The following SH3RF3 variants were observed in gnomAD, a reference collection of about 807,000 sequenced individuals.
SH3RF3 encodes the protein E3 ubiquitin-protein ligase SH3RF3.
In SH3RF3, 29 loss-of-function variants were observed where a neutral mutation model predicts 66.3. The observed-to-expected ratio is 0.44, with a 90% CI of 0.33 to 0.60. The LOEUF is 0.60. Among genes scored for constraint, SH3RF3 ranks in the 20% least tolerant of loss-of-function variants. SH3RF3 has a pLI of 0.04. For synonymous variants in SH3RF3, 583 were observed against 532.0 expected (o/e 1.10, Z -1.32); for missense variants, 1,194 against 1,190.9 (o/e 1.00, Z -0.04).
intron 8 of SH3RF3, among the ~76,000 whole-genome samples, chr2:109,476,989 T>C (rs1428309593): frequency 6.6e-6 from 1 of 152,214 alleles, no homozygotes; most frequent in East Asian, 1.9e-4. Context: ...GCTTCTTTAC[T>C]CCAAGCTGTT....
chr2:109,250,078 CAGT>C (rs1424551072), intron 1 of SH3RF3, among the ~76,000 whole-genome samples: 1 of 149,198 alleles, frequency 6.7e-6, no homozygotes, highest in Non-Finnish European at 1.5e-5. Flanking sequence ...GAGGGCAAAA[CAGT>C]AGGTGTTCCT....
At chr2:109,348,175 G>C (rs1330966361) in intron 2 of SH3RF3, among the ~76,000 whole-genome samples, 2 of 152,202 alleles carry the variant, frequency 1.3e-5, no homozygotes, top group Admixed American at 6.5e-5. Context: ...TTGACACACA[G>C]CTCCAGCCCA....
intron 8 of SH3RF3, among the ~76,000 whole-genome samples, chr2:109,466,242 C>T (rs545833172): frequency 6.6e-6 from 1 of 152,136 alleles, no homozygotes; most frequent in East Asian, 1.9e-4. Context: ...GCCACCACAC[C>T]CAGCTAATTT....
intron 3 of SH3RF3, among the ~76,000 whole-genome samples, chr2:109,386,949 C>CT (rs995033225): frequency 2.0e-5 from 3 of 152,126 alleles, no homozygotes; most frequent in African/African-American, 4.8e-5. Context: ...GCCTAATCTG[C>CT]TTTTTTGTTT....
At chr2:109,293,943 A>T (rs1248181961) in intron 1 of SH3RF3, among the ~76,000 whole-genome samples, 1 of 152,004 alleles carries the variant, frequency 6.6e-6, no homozygotes, top group African/African-American at 2.4e-5. Flanking sequence ...GCCCTCCTCT[A>T]TGTTCTCCAA....
chr2:109,465,755 G>A (rs1306671892), intron 8 of SH3RF3, among the ~76,000 whole-genome samples: 1 of 152,198 alleles, frequency 6.6e-6, no homozygotes, highest in Non-Finnish European at 1.5e-5. Flanking sequence ...AGGGAACAAA[G>A]AGTCTCACAT....
chr2:109,408,852 G>C (rs142606594), intron 4 of SH3RF3, among the ~76,000 whole-genome samples: 1 of 152,202 alleles, frequency 6.6e-6, no homozygotes, highest in African/African-American at 2.4e-5. Context: ...TGATGGGTGC[G>C]CACAGGGAGG....
At chr2:109,249,474 T>G (rs141940252) in intron 1 of SH3RF3, among the ~76,000 whole-genome samples, 29 of 17,876 alleles carry the variant, frequency 1.6e-3, no homozygotes, top group African/African-American at 0.011. Flanking sequence ...TTTCTCTTTC[T>G]TTCTTTCTTT....
At chr2:109,312,481 G>A (rs1484607854) in intron 1 of SH3RF3, among the ~76,000 whole-genome samples, 1 of 152,122 alleles carries the variant, frequency 6.6e-6, no homozygotes, top group Non-Finnish European at 1.5e-5. Flanking sequence ...CTTTTGGGAA[G>A]TTTTCATCTC....
chr2:109,133,808 A>G (rs1676752601), intron 1 of SH3RF3, among the ~76,000 whole-genome samples: 1 of 151,686 alleles, frequency 6.6e-6, no homozygotes, highest in Non-Finnish European at 1.5e-5. Context: ...TATGAGTACA[A>G]CTTGCATTAG....
At chr2:109,419,445 C>G in intron 4 of SH3RF3, 94 bp from the exon 5 acceptor site, 1 of 1,309,826 alleles carries the variant, frequency 7.6e-7, no homozygotes, top group South Asian at 1.4e-5. Flanking sequence ...TGGCGAAGCA[C>G]AGGCACCTGT....
intron 9 of SH3RF3, among the ~76,000 whole-genome samples, chr2:109,492,046 T>C (rs1182634096): frequency 6.6e-6 from 1 of 152,182 alleles, no homozygotes; most frequent in African/African-American, 2.4e-5. Flanking sequence ...TGGTAAACAC[T>C]GCAGATGTTG....
chr2:109,370,108 GGGAT>G (rs1255124370), intron 2 of SH3RF3, among the ~76,000 whole-genome samples: 1 of 152,228 alleles, frequency 6.6e-6, no homozygotes, highest in East Asian at 1.9e-4. Context: ...TGCCGAAGGA[GGGAT>G]GGTTCCGGAG....
intron 3 of SH3RF3, among the ~76,000 whole-genome samples, chr2:109,381,042 G>A (rs1408076307): frequency 6.6e-6 from 1 of 152,258 alleles, no homozygotes; most frequent in Non-Finnish European, 1.5e-5. Flanking sequence ...GTGAAATTGT[G>A]TGTCAGGAAG....
chr2:109,486,848 C>G (rs1388343772), intron 8 of SH3RF3, among the ~76,000 whole-genome samples: 2 of 152,202 alleles, frequency 1.3e-5, no homozygotes, highest in Non-Finnish European at 2.9e-5. Context: ...GACCAGTGCA[C>G]CTTTCTCGGC....
intron 1 of SH3RF3, among the ~76,000 whole-genome samples, chr2:109,217,182 G>A (rs555561272): frequency 2.7e-4 from 41 of 152,280 alleles, no homozygotes; most frequent in African/African-American, 9.1e-4. Flanking sequence ...GTCTGCTCAT[G>A]GACACTTGGG....
intron 1 of SH3RF3, among the ~76,000 whole-genome samples, chr2:109,307,435 T>TTC (rs5833326): frequency 6.7e-6 from 1 of 150,356 alleles, no homozygotes; most frequent in Non-Finnish European, 1.5e-5. Flanking sequence ...TTTTTTTTAT[T>TTC]ATTATACTTT....
chr2:109,171,922 A>G (rs1389125754), intron 1 of SH3RF3, among the ~76,000 whole-genome samples: 2 of 152,262 alleles, frequency 1.3e-5, no homozygotes, highest in East Asian at 3.8e-4. Flanking sequence ...GCATGTGCCG[A>G]GCCCAGCCTT....
At chr2:109,157,241 CT>C (rs1677368825) in intron 1 of SH3RF3, among the ~76,000 whole-genome samples, 1 of 152,186 alleles carries the variant, frequency 6.6e-6, no homozygotes, top group African/African-American at 2.4e-5. Flanking sequence ...GCTGGTAGGT[CT>C]AGTTTTAAAC....
Sources: gnomAD v4.1 joint callset for allele counts (sites outside exome capture counted in the v4.1 genomes callset) on GRCh38, gnomAD v4.1.1 for gene constraint, MANE v1.5 for transcripts, NCBI Gene and HGNC (gene_info 2026-07-23, HGNC 2026-07-21) for gene names.